Variants in RALYL observed in about 807,000 individuals in gnomAD.
The protein encoded by RALYL is RALY RNA binding protein like, also known as RNA-binding Raly-like protein.
In RALYL, 29 loss-of-function variants were observed where a neutral mutation model predicts 35.1. The ratio of observed to expected loss-of-function variants is 0.83; its 90% CI spans 0.61 to 1.13. The LOEUF is 1.13. Ranked by LOEUF, RALYL falls within the 50% of genes most tolerant of loss-of-function variation. RALYL has a pLI of 0.00. For missense variants in RALYL, 359 were observed against 360.4 expected (o/e 1.00, Z 0.03); for synonymous variants, 120 against 127.6 (o/e 0.94, Z 0.40).
At chr8:84,774,519 T>C (rs1429261562) in intron 2 of RALYL, 60 bp from the exon 3 acceptor site, 1 of 1,077,014 alleles carries the variant, frequency 9.3e-7, no homozygotes, top group Non-Finnish European at 1.4e-6. Context: ...GTTCATGATT[T>C]ACTTTTCTCA....
chr8:84,576,691 G>A (rs146604584), intron 2 of RALYL, among the ~76,000 whole-genome samples: 200 of 152,272 alleles, frequency 1.3e-3, no homozygotes, highest in Middle Eastern at 3.4e-3. Context: ...TAAAGATTAA[G>A]TAAATATCCA....
intron 4 of RALYL, among the ~76,000 whole-genome samples, chr8:84,808,166 A>C (rs1431303826): frequency 6.6e-6 from 1 of 152,054 alleles, no homozygotes; most frequent in East Asian, 1.9e-4. Flanking sequence ...ATCCTTCTTG[A>C]GTTGATTTAT....
At chr8:84,226,325 G>T (rs889616907) in intron 1 of RALYL, among the ~76,000 whole-genome samples, 1 of 152,112 alleles carries the variant, frequency 6.6e-6, no homozygotes. Flanking sequence ...TCACAAAATT[G>T]GTCCCTGGTG....
chr8:84,889,221 C>G (rs1297762749), intron 8 of RALYL, among the ~76,000 whole-genome samples: 1 of 152,162 alleles, frequency 6.6e-6, no homozygotes, highest in African/African-American at 2.4e-5. Flanking sequence ...TCTCCTTAGG[C>G]AGGACTACAT....
chr8:84,446,534 T>C (rs1369885022), intron 1 of RALYL, among the ~76,000 whole-genome samples: 4 of 152,110 alleles, frequency 2.6e-5, no homozygotes, highest in Non-Finnish European at 4.4e-5. Context: ...GGGCAAGTCA[T>C]GTTTCTTCCT....
intron 2 of RALYL, among the ~76,000 whole-genome samples, chr8:84,708,427 A>G (rs1564410167): frequency 6.6e-6 from 1 of 152,156 alleles, no homozygotes; most frequent in Admixed American, 6.6e-5. Flanking sequence ...CTTAGTGTTC[A>G]CTCAAATAGC....
chr8:84,505,111 A>T (rs984405143), intron 1 of RALYL, among the ~76,000 whole-genome samples: 6 of 152,094 alleles, frequency 3.9e-5, no homozygotes, highest in African/African-American at 1.4e-4. Context: ...AGATGCCATG[A>T]GTGCACGAAC....
At chr8:84,309,258 A>C (rs2129733290) in intron 1 of RALYL, among the ~76,000 whole-genome samples, 1 of 151,564 alleles carries the variant, frequency 6.6e-6, no homozygotes, top group Middle Eastern at 6.5e-3. Flanking sequence ...TAACCTGAAA[A>C]GAACAAATAC....
At chr8:84,841,336 G>A (rs555431031) in intron 4 of RALYL, among the ~76,000 whole-genome samples, 1 of 152,174 alleles carries the variant, frequency 6.6e-6, no homozygotes, top group East Asian at 1.9e-4. Flanking sequence ...TGATAAAACA[G>A]ACTTTAAACC....
intron 2 of RALYL, among the ~76,000 whole-genome samples, chr8:84,744,777 G>T (rs375916604): frequency 6.6e-6 from 1 of 151,864 alleles, no homozygotes; most frequent in African/African-American, 2.4e-5. Context: ...AATAGATCTA[G>T]TACCGGTATC....
chr8:84,419,047 C>A (rs1401628627), intron 1 of RALYL, among the ~76,000 whole-genome samples: 1 of 152,114 alleles, frequency 6.6e-6, no homozygotes, highest in East Asian at 1.9e-4. Context: ...GATATGATTT[C>A]TCTCCAACTC....
rs534743158 is a variant in RALYL at position 84,604,593 on chromosome 8, T to C, written c.256+75016T>C. On this transcript the variant is annotated intron_variant, in intron 2 of 8. Transcript: ENST00000521268. The stretch of plus-strand genomic sequence containing the variant: ...TTGCAAAGCATTTAAAGTATTTCTG[T>C]AAACATATCAGAAATACAGGAAAGC... 3.9e-5 allele frequency among the ~76,000 whole-genome samples: 6 copies of C among 152,268 alleles called. No individual in the cohort carries two copies. The South Asian group carries it at 1.2e-3, about 32-fold the overall frequency.
At chr8:84,609,291 T>C (rs1410649112) in intron 2 of RALYL, among the ~76,000 whole-genome samples, 1 of 152,158 alleles carries the variant, frequency 6.6e-6, no homozygotes, top group Admixed American at 6.6e-5. Context: ...AGTTTTTCTT[T>C]GATCAACTTA....
chr8:84,914,261 T>C (rs1848066767), intron 8 of RALYL, among the ~76,000 whole-genome samples: 1 of 152,034 alleles, frequency 6.6e-6, no homozygotes. Flanking sequence ...CGCACTAGCA[T>C]TAACTTAGGC....
chr8:84,660,181 G>T (rs1392676606), intron 2 of RALYL, among the ~76,000 whole-genome samples: 1 of 151,982 alleles, frequency 6.6e-6, no homozygotes, highest in African/African-American at 2.4e-5. Flanking sequence ...AAAGATATTT[G>T]TTCTAAATTT....
chr8:84,564,041 C>T (rs2061625285), intron 2 of RALYL, among the ~76,000 whole-genome samples: 1 of 151,570 alleles, frequency 6.6e-6, no homozygotes, highest in African/African-American at 2.4e-5. Flanking sequence ...TTCATATAAA[C>T]TACTTTCTAA....
At chr8:84,510,731 AC>A (rs2057544311) in intron 1 of RALYL, among the ~76,000 whole-genome samples, 1 of 151,870 alleles carries the variant, frequency 6.6e-6, no homozygotes, top group Non-Finnish European at 1.5e-5. Context: ...AATTGCTTGA[AC>A]CTGGGAGGTG....
chr8:84,864,759 A>G, intron 6 of RALYL: 2 of 604,088 alleles, frequency 3.3e-6, no homozygotes, highest in South Asian at 1.5e-5. Context: ...TACATGGTAG[A>G]AAACAGGGGC....
chr8:84,226,073 G>C (rs1000487529), intron 1 of RALYL, among the ~76,000 whole-genome samples: 2 of 152,128 alleles, frequency 1.3e-5, no homozygotes, highest in African/African-American at 4.8e-5. Flanking sequence ...ACACAGCAGG[G>C]GGTGAGCTGC....
Sources: gnomAD v4.1 joint callset for allele counts (sites outside exome capture counted in the v4.1 genomes callset) on GRCh38, gnomAD v4.1.1 for gene constraint, MANE v1.5 for transcripts, NCBI Gene and HGNC (gene_info 2026-07-23, HGNC 2026-07-21) for gene names.